Variants in ANKRD18B observed in about 807,000 individuals in gnomAD.
ANKRD18B encodes the protein ankyrin repeat domain-containing protein 18B.
In ANKRD18B, 75 loss-of-function variants were observed where a neutral mutation model predicts 111.8. The observed-to-expected ratio is 0.67, with a 90% CI of 0.56 to 0.81. The LOEUF is 0.81. Among genes scored for constraint, ANKRD18B ranks in the 40% least tolerant of loss-of-function variants. ANKRD18B has a pLI of 0.00. For synonymous variants in ANKRD18B, 356 were observed against 417.3 expected (o/e 0.85, Z 1.79); for missense variants, 1,038 against 1,225.5 (o/e 0.85, Z 2.28).
Position 33,568,854 on chromosome 9 carries a change from C to A in ANKRD18B, c.3138C>A (p.Asn1046Lys). The stretch of plus-strand genomic sequence containing the variant: ...TGGCCATAAGAATTCCTACTTCAAA[C>A]CCACAGACTTCAAATAACTGCAAGA... The part of the protein sequence containing the change: ...PKMAIRIPTS[N>K]PQTSNNCKNS... Residue 1046 changes from asparagine to lysine, a missense_variant, in exon 17 of 19, where the codon AAC becomes AAA. This residue lies in a region of ANKRD18B where 524 missense variants were observed against 677.9 expected (regional missense o/e 0.77). Coordinates refer to ENST00000684830, the MANE Select transcript of ANKRD18B (RefSeq NM_001393611.1). 6.4e-7 allele frequency: 1 copy of A among 1,551,268 alleles called. No homozygotes were observed. Among genetic ancestry groups the A allele is most frequent in the East Asian group, 2.4e-5 (1 of 40,880 alleles).
intron 3 of ANKRD18B, among the ~76,000 whole-genome samples, chr9:33,532,847 T>C (rs1280826206): frequency 2.0e-5 from 3 of 152,338 alleles, no homozygotes; most frequent in East Asian, 3.9e-4. Context: ...CAAAAAGTAT[T>C]GTCAAACTGA....
chr9:33,538,746 A>T (rs1233880065), intron 6 of ANKRD18B, among the ~76,000 whole-genome samples: 3 of 151,948 alleles, frequency 2.0e-5, no homozygotes, highest in Non-Finnish European at 4.4e-5. Flanking sequence ...AAAAAAAAAT[A>T]CTCTGTTACC....
chr9:33,560,743 G>C (rs147570885), intron 14 of ANKRD18B, among the ~76,000 whole-genome samples: 13,383 of 152,074 alleles, frequency 0.088, 622 homozygotes, highest in South Asian at 0.099. Context: ...GGTGGATCAC[G>C]AGGTCAGGAG....
At chr9:33,559,182 A>G (rs1232349007) in intron 14 of ANKRD18B, among the ~76,000 whole-genome samples, 10 of 152,238 alleles carry the variant, frequency 6.6e-5, no homozygotes, top group Non-Finnish European at 1.3e-4. Flanking sequence ...TAGAGGGTAA[A>G]TATATCTTTT....
At chr9:33,538,981 T>G (rs2118017891) in intron 6 of ANKRD18B, among the ~76,000 whole-genome samples, 1 of 152,274 alleles carries the variant, frequency 6.6e-6, no homozygotes. Flanking sequence ...ATTGACATAG[T>G]TTTTGTCTTT....
At position 33,524,594 on chromosome 9, in the gene ANKRD18B, G is replaced by C. The variant is rs766399297; in HGVS notation, c.105G>C (p.Leu35=). Residue 35 remains leucine, a synonymous_variant, in exon 1 of 19, where the codon CTG becomes CTC. Coordinates refer to ENST00000684830, the MANE Select transcript of ANKRD18B (RefSeq NM_001393611.1). ...GGTACCACATTCGGGACTGGGAACT[G>C]CGGAAGATCCACAGGGCGGCCATCA... ...GRGYHIRDWE[L]RKIHRAAIKG... 1.7e-5 allele frequency: 27 copies of C among 1,551,430 alleles called. No individual in the cohort carries two copies. The South Asian group carries it at 2.9e-4, about 16-fold the overall frequency.
At position 33,529,088 on chromosome 9, in the gene ANKRD18B, C is replaced by T. The variant is rs1484414849; in HGVS notation, c.410C>T (p.Ala137Val). The T allele has an allele frequency of 1.9e-6, 3 of 1,611,984 alleles. No homozygotes were observed. In the African/African-American group the frequency reaches 4.0e-5, roughly 22 times the overall value. ...PNIKDIYGNT[A>V]LHYAVYNEGT... is the part of the protein sequence containing the mutation. ...ATTAAGGATATCTACGGCAACACTG[C>T]TCTCCATTATGCCGTGTATAATGAG... Residue 137 changes from alanine to valine, a missense_variant, in exon 3 of 19, where the codon GCT (alanine) becomes GTT (valine). This residue lies in a region of ANKRD18B where 216 missense variants were observed against 205.1 expected (regional missense o/e 1.05). Coordinates refer to ENST00000684830, the MANE Select transcript of ANKRD18B (RefSeq NM_001393611.1).
intron 1 of ANKRD18B, among the ~76,000 whole-genome samples, chr9:33,527,269 T>G (rs758857523): frequency 3.3e-5 from 5 of 152,140 alleles, no homozygotes; most frequent in Non-Finnish European, 7.3e-5. Context: ...CCATACCTAT[T>G]CATCTCAATC....
chr9:33,525,844 T>C (rs1828018150), intron 1 of ANKRD18B, among the ~76,000 whole-genome samples: 1 of 150,018 alleles, frequency 6.7e-6, no homozygotes, highest in South Asian at 2.1e-4. Flanking sequence ...ATATTACTGA[T>C]TATATGTATA....
chr9:33,535,597 G>A (rs1828185921), intron 5 of ANKRD18B, among the ~76,000 whole-genome samples: 1 of 150,286 alleles, frequency 6.7e-6, no homozygotes, highest in Non-Finnish European at 1.5e-5. Context: ...CACAGCTACA[G>A]TGTTTCCATA....
In ANKRD18B at chr9:33,548,563, T is replaced by C. The variant is rs1373178239; in HGVS notation, c.1775T>C (p.Met592Thr). ...LKQAQHRIKEMKQMHPNGEAK... is the reference protein window; with the variant it reads ...LKQAQHRIKETKQMHPNGEAK... ...CAAGCGCAGCATCGAATAAAGGAAA[T>C]GAAGCAGATGCATCCAAATGGGGAA... Residue 592 changes from methionine (M) to threonine (T), a missense_variant, in exon 11 of 19, where the codon ATG becomes ACG. This residue lies in a region of ANKRD18B where 524 missense variants were observed against 677.9 expected (regional missense o/e 0.77). Coordinates refer to ENST00000684830, the MANE Select transcript of ANKRD18B (RefSeq NM_001393611.1). 1.9e-6 allele frequency: 3 copies of C among 1,550,902 alleles called. No individual in the cohort carries two copies. The highest frequency in any genetic ancestry group is 2.6e-6 in the Non-Finnish European group (3 of 1,146,600).
chr9:33,534,754 T>G (rs1828171150), intron 5 of ANKRD18B, among the ~76,000 whole-genome samples: 1 of 152,142 alleles, frequency 6.6e-6, no homozygotes, highest in African/African-American at 2.4e-5. Flanking sequence ...GTTGTTCATT[T>G]TATTCCAAGT....
intron 9 of ANKRD18B, among the ~76,000 whole-genome samples, chr9:33,542,617 A>T (rs554702119): frequency 6.6e-6 from 1 of 152,174 alleles, no homozygotes; most frequent in South Asian, 2.1e-4. Flanking sequence ...TCAAGCAGTT[A>T]TCTCACCTGG....
chr9:33,555,684 T>G, intron 12 of ANKRD18B, 24 bp from the exon 13 acceptor site: 10 of 1,333,602 alleles, frequency 7.5e-6, no homozygotes, highest in Non-Finnish European at 9.7e-6. Context: ...TTTACAAAAA[T>G]AATTTTAAAC....
intron 11 of ANKRD18B, among the ~76,000 whole-genome samples, chr9:33,549,705 A>AT (rs1250744508): frequency 1.3e-5 from 2 of 152,076 alleles, no homozygotes; most frequent in African/African-American, 4.8e-5. Flanking sequence ...CACATTATGT[A>AT]TTTTTCTGAC....
rs1257312701 is a variant in ANKRD18B, at chr9:33,548,440, G to A, written c.1652G>A (p.Arg551Gln). ...ELLTEQVHKA[R>Q]VKFNTLKGKL... is the part of the protein sequence containing the mutation. ...CTTACTGAACAGGTCCATAAAGCTC[G>A]GGTGAAGTTCAATACCTTAAAAGGT... is the stretch of plus-strand genomic sequence containing the variant. The change falls in exon 11 of 19, where the codon CGG becomes CAG. Residue 551 changes from arginine (R) to glutamine (Q), a missense_variant. Physicochemically the swap from Arg to Gln is conservative, Grantham distance 43. Coordinates refer to ENST00000684830, the MANE Select transcript of ANKRD18B (RefSeq NM_001393611.1). The A allele has an allele frequency of 1.9e-5, 29 of 1,551,080 alleles. No individual in the cohort carries two copies. Among genetic ancestry groups the A allele is most frequent in the Middle Eastern group, 1.7e-4 (1 of 6,002 alleles).
At chr9:33,545,321 G>A (rs1264390028) in intron 10 of ANKRD18B, among the ~76,000 whole-genome samples, 5 of 152,138 alleles carry the variant, frequency 3.3e-5, no homozygotes, top group South Asian at 2.1e-4. Context: ...ATGCAAATAC[G>A]AGAAAATATA....
intron 9 of ANKRD18B, among the ~76,000 whole-genome samples, chr9:33,541,745 T>C (rs902840539): frequency 4.6e-5 from 7 of 152,158 alleles, no homozygotes; most frequent in African/African-American, 1.7e-4. Flanking sequence ...AATAAAATGT[T>C]GGTCTTTTTC....
At chr9:33,549,061 G>A (rs968654573) in intron 11 of ANKRD18B, among the ~76,000 whole-genome samples, 17 of 152,190 alleles carry the variant, frequency 1.1e-4, no homozygotes, top group Admixed American at 6.5e-5. Flanking sequence ...GGCTGGAAGC[G>A]GGTCGTGACT....
Sources: allele counts gnomAD v4.1 joint callset (sites outside exome capture counted in the v4.1 genomes callset), GRCh38; gene constraint gnomAD v4.1.1; regional missense constraint gnomAD v4.1.1; transcripts MANE v1.5; gene names NCBI Gene and HGNC (gene_info 2026-07-23, HGNC 2026-07-21).